The following NGEF variants were observed in gnomAD, a reference collection of about 807,000 sequenced individuals.
NGEF encodes the protein ephexin-1.
NGEF carries 31 observed loss-of-function variants against 80.9 expected under a neutral mutation model. The ratio of observed to expected loss-of-function variants is 0.38; its 90% CI spans 0.29 to 0.52. The LOEUF (loss-of-function observed/expected upper bound fraction) is 0.52. Ranked by LOEUF, NGEF falls within the 20% of genes least tolerant of loss-of-function variation. NGEF has a pLI of 0.84. For synonymous variants in NGEF, 371 were observed against 370.2 expected (o/e 1.00, Z -0.03); for missense variants, 709 against 926.2 (o/e 0.77, Z 3.04).
At chr2:232,996,284 T>C (rs1694844385) in intron 1 of NGEF, among the ~76,000 whole-genome samples, 1 of 152,096 alleles carries the variant, frequency 6.6e-6, no homozygotes, top group African/African-American at 2.4e-5. Flanking sequence ...GCTGAGATTG[T>C]GCCGCTGCAC....
At chr2:232,947,423 G>T (rs1693582070) in intron 3 of NGEF, among the ~76,000 whole-genome samples, 1 of 152,134 alleles carries the variant, frequency 6.6e-6, no homozygotes, top group African/African-American at 2.4e-5. Context: ...CACACGTTGA[G>T]GGAGGGACCT....
intron 3 of NGEF, among the ~76,000 whole-genome samples, chr2:232,932,747 G>A (rs1693243255): frequency 6.6e-6 from 1 of 152,058 alleles, no homozygotes; most frequent in African/African-American, 2.4e-5. Context: ...GCTGCGGACG[G>A]CTGACTCCTT....
intron 1 of NGEF, among the ~76,000 whole-genome samples, chr2:232,986,389 T>G (rs949719607): frequency 6.6e-6 from 1 of 150,960 alleles, no homozygotes; most frequent in African/African-American, 2.4e-5. Flanking sequence ...AAAATGAGCA[T>G]CTTGAAGAGA....
At chr2:232,897,107 G>C (rs1200376870) in intron 5 of NGEF, among the ~76,000 whole-genome samples, 1 of 145,014 alleles carries the variant, frequency 6.9e-6, no homozygotes, top group Non-Finnish European at 1.5e-5. Flanking sequence ...GTGGGGGAAG[G>C]GGTGAGGGTA....
intron 3 of NGEF, chr2:232,927,772 G>GC: frequency 1.8e-6 from 1 of 540,854 alleles, no homozygotes; most frequent in Non-Finnish European, 2.7e-6. Flanking sequence ...AGGGGCGGCG[G>GC]GGGCCCGCGG....
chr2:232,980,819 C>T (rs184522276), intron 1 of NGEF, among the ~76,000 whole-genome samples: 219 of 152,248 alleles, frequency 1.4e-3, no homozygotes, highest in Non-Finnish European at 2.6e-3. Context: ...TTTGCTAGTC[C>T]CTAGAGCCCC....
Position 232,927,253 on chromosome 2 carries a change from G to C in NGEF, c.384-67C>G. On this transcript the variant is annotated intron_variant, in intron 3 of 14. Coordinates refer to ENST00000264051, the MANE Select transcript of NGEF (RefSeq NM_019850.3). Reference sequence around the variant, plus strand: ...CAAGGATTCACCTCGGCTGGCTAGCGAGGGGCGTGCGCACAGGCGGCTGCT... The same window carrying C: ...CAAGGATTCACCTCGGCTGGCTAGCCAGGGGCGTGCGCACAGGCGGCTGCT... 8.8e-6 allele frequency: 13 copies of C among 1,480,026 alleles called. No homozygotes were observed. In the South Asian group the frequency reaches 1.6e-4, roughly 19 times the overall value. The allele number at this position is 1,480,026 out of a possible 1,614,324, so 91.7% of individuals were successfully genotyped here. A position where few individuals can be genotyped will look rare whatever the true frequency, so the allele number is the denominator to read the frequency against.
intron 5 of NGEF, among the ~76,000 whole-genome samples, chr2:232,913,965 C>T (rs891377236): frequency 6.6e-6 from 1 of 151,962 alleles, no homozygotes; most frequent in African/African-American, 2.4e-5. Context: ...TGTTTGTACC[C>T]TAATTTTCAG....
rs4973573 is a variant in NGEF at position 232,916,155 on chromosome 2, G to A, written c.828+4129C>T. ...AAGATTTGCTATCAAAATGGAAAAAGGATTTTTATCCAAAAAGAAGATGCC... is the reference window on the plus strand; with the variant it reads ...AAGATTTGCTATCAAAATGGAAAAAAGATTTTTATCCAAAAAGAAGATGCC... On this transcript the variant is annotated intron_variant, in intron 5 of 14. Coordinates refer to ENST00000264051, the MANE Select transcript of NGEF (RefSeq NM_019850.3). Among the ~76,000 whole-genome samples, 324 of 152,282 alleles carry A rather than the reference G, an allele frequency of 2.1e-3. 2 individuals carry two copies. The highest frequency in any genetic ancestry group is 0.018 in the Admixed American group (273 of 15,286).
At position 232,894,812 on chromosome 2, in the gene NGEF, C is replaced by T. The variant is rs143083048; in HGVS notation, c.933G>A (p.Pro311=). 48 of 1,611,296 alleles carry T rather than the reference C, an allele frequency of 3.0e-5. No individual in the cohort carries two copies. In the African/African-American group the frequency reaches 3.9e-4, roughly 13 times the overall value. The change falls in exon 6 of 15, where the codon CCG becomes CCA. Residue 311 remains proline (P), a synonymous_variant. Coordinates refer to ENST00000264051, the MANE Select transcript of NGEF (RefSeq NM_019850.3). ...ENERIRKILH[P]SEAHILFSNV... ...TGGAGAAGAGGATGTGCGCCTCGGA[C>T]GGGTGCAGGATCTTCCTTATCCGCT...
At chr2:232,961,405 G>A (rs766238948) in intron 3 of NGEF, among the ~76,000 whole-genome samples, 1 of 152,164 alleles carries the variant, frequency 6.6e-6, no homozygotes, top group Non-Finnish European at 1.5e-5. Context: ...GGTGGGAATG[G>A]CCCCATTAAT....
chr2:232,918,628 G>GTTTTTTTTTTTTT (rs752153408), intron 5 of NGEF, among the ~76,000 whole-genome samples: 1 of 108,050 alleles, frequency 9.3e-6, no homozygotes, highest in Admixed American at 9.6e-5. Flanking sequence ...TTATTTCTAA[G>GTTTTTTTTTTTTT]TTTTTTTTTT....
At chr2:233,008,145 T>C (rs1202437536) in intron 1 of NGEF, among the ~76,000 whole-genome samples, 1 of 152,120 alleles carries the variant, frequency 6.6e-6, no homozygotes, top group Non-Finnish European at 1.5e-5. Context: ...CTTGGAAATT[T>C]TTCACCCCAT....
At chr2:232,904,394 A>T (rs978003778) in intron 5 of NGEF, among the ~76,000 whole-genome samples, 1 of 152,100 alleles carries the variant, frequency 6.6e-6, no homozygotes, top group Non-Finnish European at 1.5e-5. Context: ...ATGGCAGGCT[A>T]ATTTTTGTAT....
At position 232,900,609 on chromosome 2, in the gene NGEF, CACAT is replaced by C. The variant is rs1189557544; in HGVS notation, c.829-5697_829-5694del. On this transcript the variant is annotated intron_variant, in intron 5 of 14. Coordinates refer to ENST00000264051, the MANE Select transcript of NGEF (RefSeq NM_019850.3). ...ACAGTCACTCATATACACGTTCACT[CACAT>C]ACACACACGCTCTCACAGTCACTCA... 2.1e-4 allele frequency among the ~76,000 whole-genome samples: 14 copies of C among 67,744 alleles called. 3 individuals carry two copies. The highest frequency in any genetic ancestry group is 3.8e-4 in the Non-Finnish European group (12 of 31,306). 44.4% of individuals were successfully genotyped at this position (67,744 alleles called of 152,430 possible).
chr2:232,890,468 T>C (rs1190233898), intron 8 of NGEF, among the ~76,000 whole-genome samples: 1 of 152,156 alleles, frequency 6.6e-6, no homozygotes, highest in African/African-American at 2.4e-5. Context: ...ACCACCTTGA[T>C]GCCAGCGAGT....
At chr2:232,929,898 A>T (rs1693184210) in intron 3 of NGEF, among the ~76,000 whole-genome samples, 1 of 152,066 alleles carries the variant, frequency 6.6e-6, no homozygotes, top group Non-Finnish European at 1.5e-5. Context: ...TTTCCCCCAT[A>T]TTGTTCTCCT....
At chr2:233,011,160 C>T (rs1166844687) in intron 1 of NGEF, among the ~76,000 whole-genome samples, 4 of 152,108 alleles carry the variant, frequency 2.6e-5, no homozygotes, top group African/African-American at 7.2e-5. Flanking sequence ...GACACAGCAT[C>T]GCTTCATCTC....
intron 3 of NGEF, among the ~76,000 whole-genome samples, chr2:232,965,488 A>T (rs1206861154): frequency 6.6e-6 from 1 of 152,152 alleles, no homozygotes; most frequent in Non-Finnish European, 1.5e-5. Context: ...CCTGACTCAG[A>T]ATGCTATGGA....
Sources: allele counts gnomAD v4.1 joint callset (sites outside exome capture counted in the v4.1 genomes callset), GRCh38; gene constraint gnomAD v4.1.1; transcripts MANE v1.5; gene names NCBI Gene and HGNC (gene_info 2026-07-23, HGNC 2026-07-21).